The following TJP1 variants were observed in gnomAD, a reference collection of about 807,000 sequenced individuals.
TJP1 encodes the protein tight junction protein 1.
A neutral mutation model predicts 194.2 loss-of-function variants in TJP1; 43 were observed. The ratio of observed to expected loss-of-function variants is 0.22; its 90% CI spans 0.17 to 0.29. The LOEUF is 0.29. Ranked by LOEUF, TJP1 falls within the 10% of genes least tolerant of loss-of-function variation. The pLI is 1.00. For synonymous variants in TJP1, 801 were observed against 779.0 expected, an observed-to-expected ratio of 1.03 and a Z score of -0.47; for missense variants, 1,971 against 2,185.7, an observed-to-expected ratio of 0.90 and a Z score of 1.96.
chr15:29,903,203 G>A (rs1052355384), intron 2 of TJP1, among the ~76,000 whole-genome samples: 5 of 151,982 alleles, frequency 3.3e-5, no homozygotes, highest in Non-Finnish European at 7.4e-5. Flanking sequence ...CTTTCCAACT[G>A]ATCTATGTGT....
intron 2 of TJP1, among the ~76,000 whole-genome samples, chr15:29,893,660 T>C (rs2053383945): frequency 6.6e-6 from 1 of 152,224 alleles, no homozygotes; most frequent in Non-Finnish European, 1.5e-5. Flanking sequence ...CTAGCATTTT[T>C]AACAATGAAA....
At chr15:29,744,278 A>G (rs2044619501) in intron 8 of TJP1, among the ~76,000 whole-genome samples, 1 of 152,218 alleles carries the variant, frequency 6.6e-6, no homozygotes, top group African/African-American at 2.4e-5. Flanking sequence ...AAATGATGGT[A>G]AAAGTGTATG....
chr15:29,808,975 C>G (rs1364671238), intron 1 of TJP1, among the ~76,000 whole-genome samples: 1 of 152,138 alleles, frequency 6.6e-6, no homozygotes, highest in African/African-American at 2.4e-5. Flanking sequence ...CTATCCAGTA[C>G]AGTAGCCACC....
chr15:29,823,448 C>T (rs769623788), upstream of TJP1: 2 of 152,204 alleles, frequency 1.3e-5, no homozygotes, highest in African/African-American at 2.4e-5. Context: ...TCCTTAGTAA[C>T]ATCAATGATA....
intron 2 of TJP1, among the ~76,000 whole-genome samples, chr15:29,915,690 A>G (rs1439461242): frequency 6.6e-6 from 1 of 152,236 alleles, no homozygotes; most frequent in African/African-American, 2.4e-5. Context: ...GCTCTAGCAA[A>G]GCACTTTCTT....
intron 8 of TJP1, among the ~76,000 whole-genome samples, chr15:29,750,983 G>T (rs1468176851): frequency 1.3e-5 from 2 of 152,146 alleles, no homozygotes; most frequent in Non-Finnish European, 2.9e-5. Context: ...AGCCTGGAAG[G>T]CTCTATTGCA....
rs780546539 is a variant in TJP1, at chr15:29,716,694, T to C, written c.4119A>G (p.Ala1373=). 2 of 1,614,184 alleles carry C rather than the reference T, an allele frequency of 1.2e-6. No individual in the cohort carries two copies. The highest frequency in any genetic ancestry group is 1.7e-6 in the Non-Finnish European group (2 of 1,180,040). Residue 1373 remains alanine (A), a synonymous_variant, in exon 23 of 28, where the codon GCA becomes GCG. Coordinates refer to ENST00000614355, the MANE Select transcript of TJP1 (RefSeq NM_001330239.4). ...DRRSFENKPP[A]HIAASHLSEP... The stretch of plus-strand genomic sequence containing the variant: ...CGGAGAGATGGCTGGCGGCAATGTG[T>C]GCAGGAGGCTTATTCTCAAAACTTC...
At chr15:29,746,131 C>A (rs528859937) in intron 8 of TJP1, among the ~76,000 whole-genome samples, 7 of 152,322 alleles carry the variant, frequency 4.6e-5, no homozygotes, top group African/African-American at 1.7e-4. Context: ...GTAATCCCAG[C>A]ACTTTGGGAG....
intron 2 of TJP1, among the ~76,000 whole-genome samples, chr15:29,949,507 C>T (rs1166797951): frequency 2.1e-5 from 3 of 140,354 alleles, no homozygotes; most frequent in African/African-American, 2.7e-5. Flanking sequence ...CCACAACCAC[C>T]ACCTCCACCT....
chr15:29,946,717 A>G (rs937447507), intron 2 of TJP1, among the ~76,000 whole-genome samples: 1 of 152,170 alleles, frequency 6.6e-6, no homozygotes, highest in Non-Finnish European at 1.5e-5. Context: ...TATTCACTTA[A>G]TCATATCTAT....
intron 18 of TJP1, among the ~76,000 whole-genome samples, chr15:29,724,778 G>A (rs2043142568): frequency 6.6e-6 from 1 of 152,144 alleles, no homozygotes; most frequent in Non-Finnish European, 1.5e-5. Context: ...AACCTTTTCT[G>A]GCTTACAAAA....
chr15:29,815,299 T>C (rs1244582098), intron 1 of TJP1, among the ~76,000 whole-genome samples: 1 of 152,218 alleles, frequency 6.6e-6, no homozygotes, highest in African/African-American at 2.4e-5. Flanking sequence ...GGATTAACTT[T>C]AAAATCTGTA....
At chr15:29,932,214 C>T (rs1425470236) in intron 2 of TJP1, among the ~76,000 whole-genome samples, 8 of 152,184 alleles carry the variant, frequency 5.3e-5, no homozygotes, top group Non-Finnish European at 2.9e-5. Flanking sequence ...CTGGTTCACA[C>T]GTCTCTGACA....
At chr15:29,702,091 AC>A (rs2140909466) in intron 27 of TJP1, among the ~76,000 whole-genome samples, 1 of 145,330 alleles carries the variant, frequency 6.9e-6, no homozygotes, top group South Asian at 2.3e-4. Flanking sequence ...TATCAGTAGC[AC>A]TTTTTTTTTT....
At chr15:29,827,889 C>T (rs976121717) in intron 2 of TJP1, among the ~76,000 whole-genome samples, 6 of 152,148 alleles carry the variant, frequency 3.9e-5, no homozygotes, top group Admixed American at 2.6e-4. Flanking sequence ...TCTCAAGAGT[C>T]GTCTGCCACA....
At chr15:29,704,064 G>A (rs1031240853) in intron 27 of TJP1, 98 bp downstream of exon 27, 3 of 1,311,972 alleles carry the variant, frequency 2.3e-6, no homozygotes, top group East Asian at 2.5e-5. Flanking sequence ...AACAGAGATA[G>A]AGATTTGCTA....
At chr15:29,919,893 C>T (rs1254962131) in intron 2 of TJP1, among the ~76,000 whole-genome samples, 1 of 2,724 alleles carries the variant, frequency 3.7e-4, no homozygotes, top group Admixed American at 5.6e-3. Context: ...CCTCTTTCCC[C>T]TTCCCAGTGG....
chr15:29,720,895 G>A (rs1365154254), intron 18 of TJP1, among the ~76,000 whole-genome samples, 187 bp from the exon 19 acceptor site: 1 of 152,166 alleles, frequency 6.6e-6, no homozygotes, highest in African/African-American at 2.4e-5. Context: ...AGCACCCCTT[G>A]AGATCTGAAG....
intron 2 of TJP1, among the ~76,000 whole-genome samples, chr15:29,917,702 C>G (rs889417647): frequency 1.3e-5 from 2 of 152,094 alleles, no homozygotes; most frequent in African/African-American, 2.4e-5. Context: ...ACACTTGGAT[C>G]CCCAGATCCT....
Sources: gnomAD v4.1 joint callset for allele counts (sites outside exome capture counted in the v4.1 genomes callset) on GRCh38, gnomAD v4.1.1 for gene constraint, MANE v1.5 for transcripts, NCBI Gene and HGNC (gene_info 2026-07-23, HGNC 2026-07-21) for gene names.